The following XKR4 variants were observed in gnomAD, a reference collection of about 807,000 sequenced individuals.
XKR4 encodes the protein XK related 4.
Under a neutral mutation model 53.9 loss-of-function variants are expected in XKR4, and 12 were observed. The observed-to-expected ratio is 0.22, with a 90% confidence interval of 0.14 to 0.36. The LOEUF (loss-of-function observed/expected upper bound fraction) is 0.36. Ranked by LOEUF, XKR4 falls within the 10% of genes least tolerant of loss-of-function variation. The pLI is 1.00. For missense variants in XKR4, 799 were observed against 859.5 expected, an observed-to-expected ratio of 0.93 and a Z score of 0.88; for synonymous variants, 354 against 362.4, an observed-to-expected ratio of 0.98 and a Z score of 0.26.
At chr8:55,364,291 T>C (rs1373201036) in intron 2 of XKR4, among the ~76,000 whole-genome samples, 1 of 151,964 alleles carries the variant, frequency 6.6e-6, no homozygotes, top group East Asian at 1.9e-4. Flanking sequence ...GACGCGCGAG[T>C]CTTTGCTCAA....
chr8:55,112,036 C>G (rs1024345003), intron 1 of XKR4, among the ~76,000 whole-genome samples: 3 of 152,102 alleles, frequency 2.0e-5, no homozygotes, highest in Admixed American at 2.0e-4. Context: ...GATAGGAATT[C>G]CCTGGATTCT....
At chr8:55,443,115 C>T (rs942404823) in intron 2 of XKR4, among the ~76,000 whole-genome samples, 3 of 152,066 alleles carry the variant, frequency 2.0e-5, no homozygotes, top group Non-Finnish European at 4.4e-5. Flanking sequence ...GAATACTACA[C>T]AACTAATTTA....
At chr8:55,505,655 A>G (rs1376524033) in intron 2 of XKR4, among the ~76,000 whole-genome samples, 1 of 152,238 alleles carries the variant, frequency 6.6e-6, no homozygotes, top group Admixed American at 6.5e-5. Flanking sequence ...TTCTAGTTTC[A>G]TCTCATTGTG....
chr8:55,174,968 G>A (rs1817211412), intron 1 of XKR4, among the ~76,000 whole-genome samples: 1 of 152,222 alleles, frequency 6.6e-6, no homozygotes, highest in South Asian at 2.1e-4. Context: ...GACAATCAAA[G>A]GAGATGTGAT....
intron 2 of XKR4, among the ~76,000 whole-genome samples, chr8:55,508,908 G>C (rs1806583134): frequency 6.6e-6 from 1 of 152,150 alleles, no homozygotes; most frequent in Non-Finnish European, 1.5e-5. Flanking sequence ...GTGAGTCTTA[G>C]TATAAAGCAA....
Position 55,449,769 on chromosome 8 carries a change from T to G in XKR4, c.1007-73512T>G. ...AGCTGGTGCTTGGTCTTGTCTAACATGAACCAGCGGGCCTTCCAGGGCTTC... is the reference window on the plus strand; with the variant it reads ...AGCTGGTGCTTGGTCTTGTCTAACAGGAACCAGCGGGCCTTCCAGGGCTTC... On this transcript the variant is annotated intron_variant, in intron 2 of 2. Transcript: ENST00000327381. The G allele has an allele frequency of 1.2e-5, 14 of 1,155,520 alleles. No individual in the cohort carries two copies. In the South Asian group the frequency reaches 1.7e-4, roughly 14 times the overall value. The allele number at this position is 1,155,520 out of a possible 1,614,324, so 71.6% of individuals were successfully genotyped here.
At chr8:55,405,702 G>C (rs1585558468) in intron 2 of XKR4, among the ~76,000 whole-genome samples, 2 of 152,188 alleles carry the variant, frequency 1.3e-5, no homozygotes, top group East Asian at 3.8e-4. Context: ...CCCTTTGATA[G>C]TCCAGACTCT....
intron 1 of XKR4, among the ~76,000 whole-genome samples, chr8:55,353,402 T>C (rs1803754097): frequency 6.6e-6 from 1 of 152,120 alleles, no homozygotes; most frequent in South Asian, 2.1e-4. Flanking sequence ...ATTGGGATGA[T>C]GCCTCTACAA....
At chr8:55,485,621 C>A (rs551031754) in intron 2 of XKR4, among the ~76,000 whole-genome samples, 4 of 152,156 alleles carry the variant, frequency 2.6e-5, no homozygotes, top group Non-Finnish European at 4.4e-5. Flanking sequence ...TCCTGCCCCC[C>A]TCAGCCTCCA....
Position 55,458,833 on chromosome 8 carries a change from T to C in XKR4, c.1007-64448T>C, listed in dbSNP as rs552812004. On this transcript the variant is annotated intron_variant, in intron 2 of 2. Transcript: ENST00000327381. ...CTCTGCCAGTGGAGCCTAGGGTTTA[T>C]ATGGGTGCAGGATGGGGAGCAGGGC... is the stretch of plus-strand genomic sequence containing the variant. Among the ~76,000 whole-genome samples, 437 of 152,196 alleles carry C rather than the reference T, an allele frequency of 2.9e-3. 2 individuals are homozygous for C. The highest frequency in any genetic ancestry group is 9.9e-3 in the African/African-American group (413 of 41,538).
chr8:55,507,490 A>G (rs551961255), intron 2 of XKR4, among the ~76,000 whole-genome samples: 1 of 152,182 alleles, frequency 6.6e-6, no homozygotes, highest in South Asian at 2.1e-4. Flanking sequence ...TCCCAATGCT[A>G]TCCCTAACCC....
At chr8:55,194,943 A>G (rs1817484819) in intron 1 of XKR4, among the ~76,000 whole-genome samples, 1 of 152,222 alleles carries the variant, frequency 6.6e-6, no homozygotes, top group Non-Finnish European at 1.5e-5. Context: ...TAAAAAAATT[A>G]TATTCCATGA....
intron 2 of XKR4, among the ~76,000 whole-genome samples, chr8:55,364,198 C>T (rs1233025291): frequency 2.0e-5 from 3 of 152,178 alleles, no homozygotes; most frequent in African/African-American, 7.2e-5. Flanking sequence ...CACACAGTTC[C>T]GATCAGACAG....
At chr8:55,408,503 C>T (rs577172287) in intron 2 of XKR4, among the ~76,000 whole-genome samples, 1 of 152,304 alleles carries the variant, frequency 6.6e-6, no homozygotes, top group Admixed American at 6.5e-5. Context: ...GTGGGACAGC[C>T]CCCCAGTGGG....
intron 2 of XKR4, among the ~76,000 whole-genome samples, chr8:55,382,591 T>G (rs1337901042): frequency 6.6e-6 from 1 of 152,104 alleles, no homozygotes; most frequent in Admixed American, 6.5e-5. Flanking sequence ...TTCTGGAAAA[T>G]CTCAACTAGG....
chr8:55,295,953 A>G (rs1425040356), intron 1 of XKR4, among the ~76,000 whole-genome samples: 6 of 152,226 alleles, frequency 3.9e-5, no homozygotes, highest in South Asian at 2.1e-4. Context: ...ATAGTATTTC[A>G]TAGACTAACA....
intron 1 of XKR4, among the ~76,000 whole-genome samples, chr8:55,342,462 C>A (rs769064536): frequency 1.3e-5 from 2 of 152,096 alleles, no homozygotes; most frequent in Non-Finnish European, 2.9e-5. Flanking sequence ...TTTTTAAGCC[C>A]TCTAATTGCT....
intron 1 of XKR4, among the ~76,000 whole-genome samples, chr8:55,222,403 A>G (rs550667316): frequency 1.3e-5 from 2 of 152,246 alleles, no homozygotes; most frequent in Non-Finnish European, 2.9e-5. Flanking sequence ...ACAGTTTTAA[A>G]AAAATACTAT....
intron 2 of XKR4, among the ~76,000 whole-genome samples, chr8:55,392,316 T>A (rs867819347): frequency 6.6e-6 from 1 of 152,092 alleles, no homozygotes; most frequent in Non-Finnish European, 1.5e-5. Flanking sequence ...GACTGGAGCA[T>A]CTTACTGTCC....
Sources: allele counts gnomAD v4.1 joint callset (sites outside exome capture counted in the v4.1 genomes callset), GRCh38; gene constraint gnomAD v4.1.1; transcripts MANE v1.5; gene names NCBI Gene and HGNC (gene_info 2026-07-23, HGNC 2026-07-21).